The following LONP2 variants were observed in gnomAD, a reference collection of about 807,000 sequenced individuals.
LONP2 encodes lon protease homolog 2, peroxisomal.
Under a neutral mutation model 85.6 loss-of-function variants are expected in LONP2, and 60 were observed. The observed-to-expected ratio is 0.70, with a 90% CI of 0.57 to 0.87. The LOEUF (loss-of-function observed/expected upper bound fraction) is 0.87. LONP2 is among the 40% of genes least tolerant of loss of function. The probability of loss-of-function intolerance (pLI) is 0.00; values close to 1 mark genes in which losing one functional copy is unlikely to be tolerated. For synonymous variants in LONP2, 395 were observed against 389.7 expected, an observed-to-expected ratio of 1.01 and a Z score of -0.16; for missense variants, 860 against 1,063.5, an observed-to-expected ratio of 0.81 and a Z score of 2.66.
Position 48,252,114 on chromosome 16 carries a change from T to C in LONP2, c.234-17T>C. The C allele has an allele frequency of 6.5e-7, 1 of 1,536,684 alleles. No individual in the cohort carries two copies. Among genetic ancestry groups the C allele is most frequent in the Non-Finnish European group, 8.8e-7 (1 of 1,133,426 alleles). ...GTATTGAATGTTTGTAATACCGATG[T>C]TTTGTGTGTTTTTCAGGATTGGCAC... On this transcript the variant is annotated splice_polypyrimidine_tract_variant and intron_variant, in intron 1 of 14. Coordinates refer to ENST00000285737, the MANE Select transcript of LONP2 (RefSeq NM_031490.5).
Position 48,352,414 on chromosome 16 carries a change from G to C in LONP2, c.*612G>C, listed in dbSNP as rs1960178809. ...TAATTCCAGCACTTTGGGAGGTCGA[G>C]GTAGGCAGATCACCGAGCCCAAGAG... On this transcript the variant is annotated 3_prime_UTR_variant, in exon 15 of 15. Transcript: ENST00000285737. 1 of 152,392 alleles carries C rather than the reference G, an allele frequency of 6.6e-6. No individual in the cohort carries two copies. 9.4% of individuals were successfully genotyped at this position (152,392 alleles called of 1,614,324 possible). A position where few individuals can be genotyped will look rare whatever the true frequency, so the allele number is the denominator to read the frequency against.
intron 7 of LONP2, among the ~76,000 whole-genome samples, chr16:48,271,900 C>T (rs1042492384): frequency 2.6e-5 from 4 of 152,106 alleles, no homozygotes; most frequent in African/African-American, 7.2e-5. Context: ...AGTTTGCTTT[C>T]GTAAAGGAAT....
chr16:48,279,329 T>C (rs1269052599), intron 8 of LONP2, among the ~76,000 whole-genome samples: 1 of 152,166 alleles, frequency 6.6e-6, no homozygotes, highest in Admixed American at 6.6e-5. Context: ...AGTTCCACAA[T>C]AGAGTCAGCT....
intron 11 of LONP2, among the ~76,000 whole-genome samples, chr16:48,316,190 A>G (rs1973138686): frequency 6.6e-6 from 1 of 151,154 alleles, no homozygotes; most frequent in Non-Finnish European, 1.5e-5. Context: ...TATTTTTAGT[A>G]GAGACGGGGT....
chr16:48,309,989 T>C (rs768367728), intron 11 of LONP2, among the ~76,000 whole-genome samples: 2 of 152,164 alleles, frequency 1.3e-5, no homozygotes, highest in African/African-American at 2.4e-5. Context: ...TACTCCAGTT[T>C]TGGGAGTATA....
intron 12 of LONP2, among the ~76,000 whole-genome samples, chr16:48,339,969 G>A (rs1412616663): frequency 6.6e-6 from 1 of 152,162 alleles, no homozygotes; most frequent in Non-Finnish European, 1.5e-5. Context: ...GGAAGAGGGT[G>A]GCTGAGTTCA....
chr16:48,296,268 C>G, intron 9 of LONP2, 103 bp downstream of exon 9: 1 of 1,257,966 alleles, frequency 7.9e-7, no homozygotes, highest in East Asian at 2.3e-5. Context: ...CATTTGCCAA[C>G]ATACAATCTT....
chr16:48,361,661 A>G (rs1960602819), downstream of LONP2: 1 of 1,613,160 alleles, frequency 6.2e-7, no homozygotes, highest in Non-Finnish European at 8.5e-7. Flanking sequence ...CAAAGACTAG[A>G]CAGTCGCTAT....
chr16:48,337,994 A>G (rs1243215421), intron 12 of LONP2, among the ~76,000 whole-genome samples: 1 of 152,016 alleles, frequency 6.6e-6, no homozygotes, highest in Non-Finnish European at 1.5e-5. Flanking sequence ...TTTTGTAGAG[A>G]TGGGGTTTCA....
At chr16:48,349,753 C>T (rs1261365885) in intron 14 of LONP2, among the ~76,000 whole-genome samples, 1 of 152,194 alleles carries the variant, frequency 6.6e-6, no homozygotes, top group African/African-American at 2.4e-5. Flanking sequence ...AGAACTCCAA[C>T]ATCTAAAAGG....
intron 12 of LONP2, among the ~76,000 whole-genome samples, chr16:48,341,922 C>T (rs540690162): frequency 1.3e-5 from 2 of 152,274 alleles, no homozygotes; most frequent in Admixed American, 6.5e-5. Flanking sequence ...TGGGCCTAGG[C>T]ACCTCCTCAG....
chr16:48,362,317 G>A (rs754720414), downstream of LONP2: 3 of 1,614,168 alleles, frequency 1.9e-6, no homozygotes, highest in Non-Finnish European at 1.7e-6. This position sits in a 1 kb window ranked among gnomAD's most constrained non-coding sequence, Gnocchi z 4.2. Context: ...CACTCAAAAA[G>A]ACTCGCCAAG....
chr16:48,361,513 GAT>G (rs757972093), downstream of LONP2: 1 of 1,538,086 alleles, frequency 6.5e-7, no homozygotes, highest in Non-Finnish European at 8.9e-7. Context: ...TTGGCAGACA[GAT>G]GGGTGCCTTA....
chr16:48,289,858 G>T (rs777183117), intron 8 of LONP2, among the ~76,000 whole-genome samples: 2 of 152,026 alleles, frequency 1.3e-5, no homozygotes, highest in African/African-American at 2.4e-5. Flanking sequence ...TTCACAAATG[G>T]GTAGTAGGTT....
downstream of LONP2, chr16:48,362,306 A>G: frequency 6.2e-7 from 1 of 1,614,202 alleles, no homozygotes; most frequent in South Asian, 1.1e-5. This position sits in a 1 kb window ranked among gnomAD's most constrained non-coding sequence, Gnocchi z 4.2. Context: ...AGCAGACTGG[A>G]CACTCAAAAA....
At chr16:48,314,297 C>G (rs75822010) in intron 11 of LONP2, among the ~76,000 whole-genome samples, 1 of 152,020 alleles carries the variant, frequency 6.6e-6, no homozygotes, top group Non-Finnish European at 1.5e-5. Context: ...TGCAGAAGCT[C>G]TTTAGTTTAA....
At position 48,353,735 on chromosome 16, in the gene LONP2, T is replaced by G. The variant is rs1363171586; in HGVS notation, c.*1933T>G. On this transcript the variant is annotated 3_prime_UTR_variant, in exon 15 of 15. Transcript: ENST00000285737. ...ACTAGAACAAACTGTGAATTCACTT[T>G]CAGCAACCAGAGGGCGCTAATCCAC... 1 of 152,088 alleles carries G rather than the reference T, an allele frequency of 6.6e-6. No homozygotes were observed. Among genetic ancestry groups the G allele is most frequent in the African/African-American group, 2.4e-5 (1 of 41,404 alleles). 9.4% of individuals were successfully genotyped at this position (152,088 alleles called of 1,614,324 possible). A position where few individuals can be genotyped will look rare whatever the true frequency, so the allele number is the denominator to read the frequency against.
At chr16:48,328,476 G>A (rs947543484) in intron 11 of LONP2, among the ~76,000 whole-genome samples, 7 of 151,430 alleles carry the variant, frequency 4.6e-5, no homozygotes, top group African/African-American at 1.5e-4. Flanking sequence ...TCAGGAGTTC[G>A]AGACTAGCCT....
intron 8 of LONP2, among the ~76,000 whole-genome samples, chr16:48,287,924 C>T (rs897959655): frequency 6.6e-6 from 1 of 152,072 alleles, no homozygotes; most frequent in Non-Finnish European, 1.5e-5. Context: ...AGTGCTTCCT[C>T]CCCCATTTCA....
Sources: allele counts gnomAD v4.1 joint callset (sites outside exome capture counted in the v4.1 genomes callset), GRCh38; gene constraint gnomAD v4.1.1; non-coding constraint Gnocchi (gnomAD v3.1); transcripts MANE v1.5; gene names NCBI Gene and HGNC (gene_info 2026-07-23, HGNC 2026-07-21).